Variants in CACNA2D3 observed in about 807,000 individuals in gnomAD.
CACNA2D3 encodes the protein voltage-dependent calcium channel subunit alpha-2/delta-3.
A neutral mutation model predicts 160.6 loss-of-function variants in CACNA2D3; 60 were observed. The ratio of observed to expected loss-of-function variants is 0.37; its 90% confidence interval spans 0.30 to 0.46. The LOEUF (loss-of-function observed/expected upper bound fraction) is 0.46. CACNA2D3 is among the 20% of genes least tolerant of loss of function. CACNA2D3 has a pLI of 1.00. For synonymous variants in CACNA2D3, 558 were observed against 492.9 expected (o/e 1.13, Z -1.75); for missense variants, 1,205 against 1,365.0 (o/e 0.88, Z 1.85).
intron 9 of CACNA2D3, among the ~76,000 whole-genome samples, chr3:54,618,374 T>TATATATATATACACACAC: frequency 5.5e-5 from 3 of 54,578 alleles, no homozygotes; most frequent in African/African-American, 1.1e-4. Context: ...TATATATATA[T>TATATATATATACACACAC]GCACACACAC....
intron 2 of CACNA2D3, among the ~76,000 whole-genome samples, chr3:54,200,491 A>G (rs940544894): frequency 5.3e-5 from 8 of 152,236 alleles, no homozygotes; most frequent in Non-Finnish European, 1.2e-4. Context: ...ATATTTGTGA[A>G]GTGGAATAAT....
At chr3:55,073,225 G>C (rs1704855701) in intron 35 of CACNA2D3, among the ~76,000 whole-genome samples, 1 of 152,188 alleles carries the variant, frequency 6.6e-6, no homozygotes. Flanking sequence ...TGAGTTGTAT[G>C]AGCCGCATGT....
intron 11 of CACNA2D3, among the ~76,000 whole-genome samples, chr3:54,693,541 G>A (rs914172245): frequency 1.3e-5 from 2 of 152,182 alleles, no homozygotes; most frequent in Admixed American, 6.6e-5. Flanking sequence ...ATTTTAGAGT[G>A]TACTCCATCT....
chr3:54,161,174 A>T (rs908522141), intron 2 of CACNA2D3, among the ~76,000 whole-genome samples: 2 of 152,192 alleles, frequency 1.3e-5, no homozygotes, highest in Non-Finnish European at 1.5e-5. Context: ...AGCTCTGCCA[A>T]TATTACTAAC....
chr3:54,235,817 G>A (rs989704798), intron 2 of CACNA2D3, among the ~76,000 whole-genome samples: 7 of 152,184 alleles, frequency 4.6e-5, no homozygotes, highest in East Asian at 1.9e-4. Context: ...TCCGGCTTCC[G>A]GGAGGTGTGT....
Position 54,891,428 on chromosome 3 carries a change from G to A in CACNA2D3, c.2224G>A (p.Gly742Arg), listed in dbSNP as rs764304504. ...TGLSRINLFV[G>R]AEQLTNQDFL... Reference sequence around the variant, plus strand: ...CCTCTCCAGAATCAACCTGTTTGTCGGGGCTGAGCAGCTCACCAATCAGTA... The same window carrying A: ...CCTCTCCAGAATCAACCTGTTTGTCAGGGCTGAGCAGCTCACCAATCAGTA... The change falls in exon 25 of 38, where the codon GGG (glycine) becomes AGG (arginine). Residue 742 changes from glycine to arginine, a missense_variant. Gly to Arg is a moderately radical substitution (Grantham distance 125, BLOSUM62 -2). This residue lies in a region of CACNA2D3 where 911 missense variants were observed against 1,002.2 expected (regional missense o/e 0.91). Coordinates refer to ENST00000474759, the MANE Select transcript of CACNA2D3 (RefSeq NM_018398.3). The A allele has an allele frequency of 1.1e-5, 18 of 1,613,770 alleles. No homozygotes were observed. The highest frequency in any genetic ancestry group is 1.4e-5 in the Non-Finnish European group (16 of 1,179,786).
At chr3:54,869,440 G>A (rs1266790560) in intron 17 of CACNA2D3, among the ~76,000 whole-genome samples, 2 of 152,210 alleles carry the variant, frequency 1.3e-5, no homozygotes, top group East Asian at 3.9e-4. Flanking sequence ...TGTATCTTTA[G>A]TGCCTTGCAC....
intron 3 of CACNA2D3, among the ~76,000 whole-genome samples, chr3:54,335,604 C>T (rs2107521605): frequency 6.6e-6 from 1 of 152,214 alleles, no homozygotes; most frequent in South Asian, 2.1e-4. Flanking sequence ...GTCTTTATGA[C>T]CTGTATCTTG....
At chr3:54,228,704 A>G (rs1701716890) in intron 2 of CACNA2D3, among the ~76,000 whole-genome samples, 1 of 152,194 alleles carries the variant, frequency 6.6e-6, no homozygotes, top group South Asian at 2.1e-4. Flanking sequence ...CCTGATCTCC[A>G]CCAAGGTGTA....
intron 2 of CACNA2D3, among the ~76,000 whole-genome samples, chr3:54,246,529 C>A (rs372952905): frequency 6.6e-6 from 1 of 151,762 alleles, no homozygotes; most frequent in South Asian, 2.1e-4. Context: ...TCCATCTCTA[C>A]TAAAAATACA....
intron 9 of CACNA2D3, among the ~76,000 whole-genome samples, chr3:54,615,415 C>T (rs186037390): frequency 2.0e-5 from 3 of 152,270 alleles, no homozygotes; most frequent in African/African-American, 7.2e-5. Flanking sequence ...TAAATGACAC[C>T]TCAGAAATAC....
At chr3:54,684,467 C>T (rs1051850884) in intron 11 of CACNA2D3, among the ~76,000 whole-genome samples, 1 of 152,142 alleles carries the variant, frequency 6.6e-6, no homozygotes, top group Non-Finnish European at 1.5e-5. Flanking sequence ...CTGGAGGGAG[C>T]CTTGGCTTCA....
At chr3:54,521,532 A>G (rs1315474475) in intron 5 of CACNA2D3, among the ~76,000 whole-genome samples, 2 of 152,188 alleles carry the variant, frequency 1.3e-5, no homozygotes, top group African/African-American at 4.8e-5. Context: ...TTTGAAGAAC[A>G]AAAGGTTTTA....
chr3:54,792,106 T>A (rs1702769355), intron 13 of CACNA2D3, among the ~76,000 whole-genome samples: 1 of 152,222 alleles, frequency 6.6e-6, no homozygotes, highest in Admixed American at 6.5e-5. Flanking sequence ...TATCCATGGT[T>A]CGTGACAGCT....
At chr3:54,612,600 T>C (rs994735588) in intron 9 of CACNA2D3, among the ~76,000 whole-genome samples, 3 of 152,222 alleles carry the variant, frequency 2.0e-5, no homozygotes, top group Admixed American at 6.5e-5. Flanking sequence ...ATGAATTCTT[T>C]CTAAATTTCC....
chr3:54,420,065 C>G (rs1699814539), intron 4 of CACNA2D3, among the ~76,000 whole-genome samples: 1 of 151,170 alleles, frequency 6.6e-6, no homozygotes, highest in Admixed American at 6.6e-5. Flanking sequence ...TGCACCCGGC[C>G]TATTCAGTTT....
intron 3 of CACNA2D3, among the ~76,000 whole-genome samples, chr3:54,379,092 A>T (rs1699058114): frequency 6.6e-6 from 1 of 152,200 alleles, no homozygotes; most frequent in Non-Finnish European, 1.5e-5. Context: ...AGGAAAGGGG[A>T]GGAGTGAAGG....
At chr3:54,506,939 A>G (rs1264111570) in intron 5 of CACNA2D3, among the ~76,000 whole-genome samples, 1 of 152,218 alleles carries the variant, frequency 6.6e-6, no homozygotes, top group Non-Finnish European at 1.5e-5. Context: ...GGACTTTCTC[A>G]ACTGAAGTGC....
rs563960737 is a variant in CACNA2D3 at position 54,804,660 on chromosome 3, A to C, written c.1381-12193A>C. 3.9e-3 allele frequency among the ~76,000 whole-genome samples: 588 copies of C among 152,306 alleles called. 2 individuals carry two copies. The highest frequency in any genetic ancestry group is 6.6e-3 in the South Asian group (32 of 4,822). ...AGATCAACGAGACAGAAAGTTAACA[A>C]GGAAACTCAGGAATTGAACTCAGCT... is the stretch of plus-strand genomic sequence containing the variant. On this transcript the variant is annotated intron_variant, in intron 13 of 37. Transcript: ENST00000474759.
Sources: allele counts gnomAD v4.1 joint callset (sites outside exome capture counted in the v4.1 genomes callset), GRCh38; gene constraint gnomAD v4.1.1; regional missense constraint gnomAD v4.1.1; transcripts MANE v1.5; gene names NCBI Gene and HGNC (gene_info 2026-07-23, HGNC 2026-07-21).